The following ME1 variants were observed in gnomAD, a reference collection of about 807,000 sequenced individuals.
ME1 encodes malic enzyme 1.
ME1 carries 74 observed loss-of-function variants against 66.4 expected under a neutral mutation model. The observed-to-expected ratio is 1.11, with a 90% CI of 0.92 to 1.35. The LOEUF (loss-of-function observed/expected upper bound fraction) is 1.35. ME1 is among the 40% of genes most tolerant of loss of function. The probability of loss-of-function intolerance (pLI) is 0.00; values close to 1 mark genes in which losing one functional copy is unlikely to be tolerated. For synonymous variants in ME1, 251 were observed against 235.6 expected (o/e 1.07, Z -0.60); for missense variants, 750 against 694.1 (o/e 1.08, Z -0.90).
intron 6 of ME1, among the ~76,000 whole-genome samples, chr6:83,292,310 T>G (rs1334896344): frequency 1.3e-5 from 2 of 152,212 alleles, no homozygotes; most frequent in Non-Finnish European, 2.9e-5. Context: ...TTGGTGTGGA[T>G]GTCCTTCTTG....
At chr6:83,330,372 C>G (rs1768380533) in intron 5 of ME1, among the ~76,000 whole-genome samples, 1 of 152,120 alleles carries the variant, frequency 6.6e-6, no homozygotes, top group African/African-American at 2.4e-5. Context: ...CCATCACATT[C>G]AGGTAAGAGT....
intron 6 of ME1, among the ~76,000 whole-genome samples, chr6:83,284,512 C>T (rs1470022667): frequency 6.6e-6 from 1 of 152,016 alleles, no homozygotes; most frequent in African/African-American, 2.4e-5. Flanking sequence ...TACTAGCAAA[C>T]CAAATCCAGC....
chr6:83,307,188 T>C (rs781137873), intron 6 of ME1, among the ~76,000 whole-genome samples: 1 of 152,042 alleles, frequency 6.6e-6, no homozygotes, highest in Non-Finnish European at 1.5e-5. Context: ...TACCTTTAGA[T>C]TTCTAATTCT....
rs1285051227 is a variant in ME1 at position 83,223,729 on chromosome 6, C to A, written c.1449+31G>T. ...GGCTGAGCACACTTGGTATTTTAAA[C>A]CCTTGGTAAACTTAGAGGATTTTAC... On this transcript the variant is annotated intron_variant, in intron 12 of 13. Transcript: ENST00000369705. The A allele has an allele frequency of 3.1e-6, 5 of 1,600,840 alleles. No homozygotes were observed. The Admixed American group carries it at 8.4e-5, about 27-fold the overall frequency.
chr6:83,397,096 A>T (rs1769747507), intron 3 of ME1, among the ~76,000 whole-genome samples: 1 of 152,144 alleles, frequency 6.6e-6, no homozygotes, highest in Non-Finnish European at 1.5e-5. Flanking sequence ...TTTAGATATG[A>T]CCCCAGTGGC....
intron 13 of ME1, among the ~76,000 whole-genome samples, chr6:83,215,635 G>A (rs896968906): frequency 7.9e-5 from 12 of 152,106 alleles, no homozygotes; most frequent in Admixed American, 2.0e-4. Flanking sequence ...AAGAGAAGAG[G>A]AAATTTGGAC....
intron 7 of ME1, among the ~76,000 whole-genome samples, chr6:83,244,785 C>T (rs1205277301): frequency 6.6e-6 from 1 of 151,936 alleles, no homozygotes; most frequent in Admixed American, 6.6e-5. Context: ...CCTAAATGAA[C>T]ATGAACATTT....
chr6:83,226,481 C>T (rs1397874199), intron 11 of ME1, among the ~76,000 whole-genome samples: 1 of 151,938 alleles, frequency 6.6e-6, no homozygotes, highest in Non-Finnish European at 1.5e-5. Context: ...AGGCAAATTC[C>T]CCAATCTAGA....
At chr6:83,328,779 A>T (rs1198366009) in intron 5 of ME1, among the ~76,000 whole-genome samples, 2 of 152,190 alleles carry the variant, frequency 1.3e-5, no homozygotes, top group Non-Finnish European at 2.9e-5. Context: ...AAAAGGGTGG[A>T]ACTTCTTTAG....
intron 6 of ME1, among the ~76,000 whole-genome samples, chr6:83,303,905 T>C (rs1767776484): frequency 6.6e-6 from 1 of 152,170 alleles, no homozygotes. Context: ...CAAGTACTTT[T>C]ATATACATTA....
chr6:83,245,474 C>T (rs765188677), intron 7 of ME1, among the ~76,000 whole-genome samples: 9 of 152,034 alleles, frequency 5.9e-5, no homozygotes, highest in Non-Finnish European at 8.8e-5. Context: ...GGCATGATCT[C>T]GGCTCACTGC....
chr6:83,402,092 T>C (rs1769851096), intron 2 of ME1, among the ~76,000 whole-genome samples: 1 of 152,190 alleles, frequency 6.6e-6, no homozygotes, highest in Non-Finnish European at 1.5e-5. Context: ...AATGAGCACA[T>C]GCTCATGAAA....
At chr6:83,367,916 C>T (rs1769128800) in intron 3 of ME1, among the ~76,000 whole-genome samples, 1 of 152,156 alleles carries the variant, frequency 6.6e-6, no homozygotes, top group Non-Finnish European at 1.5e-5. Context: ...GCCTAGCTTG[C>T]AGCTTGCCTT....
At chr6:83,425,287 G>A (rs1334064722) in intron 1 of ME1, among the ~76,000 whole-genome samples, 1 of 152,092 alleles carries the variant, frequency 6.6e-6, no homozygotes, top group Non-Finnish European at 1.5e-5. Context: ...ACAGGTGTGA[G>A]CCATCACAAC....
At chr6:83,241,614 A>G (rs577101028) in intron 7 of ME1, among the ~76,000 whole-genome samples, 35 of 152,286 alleles carry the variant, frequency 2.3e-4, no homozygotes, top group Non-Finnish European at 4.9e-4. Flanking sequence ...TAAAATCAGA[A>G]AGATATTTTT....
chr6:83,410,062 T>C (rs1583422756), intron 1 of ME1, among the ~76,000 whole-genome samples: 2 of 146,796 alleles, frequency 1.4e-5, no homozygotes, highest in East Asian at 3.9e-4. Flanking sequence ...CCTGAAGTCT[T>C]TGCTTGCCAT....
chr6:83,276,522 A>G (rs554125801), intron 6 of ME1, among the ~76,000 whole-genome samples: 1 of 152,338 alleles, frequency 6.6e-6, no homozygotes, highest in African/African-American at 2.4e-5. Context: ...TCAAAAGTGG[A>G]CAGCTTATCC....
chr6:83,331,809 C>T (rs961970746), intron 5 of ME1, among the ~76,000 whole-genome samples: 1 of 151,748 alleles, frequency 6.6e-6, no homozygotes, highest in Non-Finnish European at 1.5e-5. Flanking sequence ...GTTACAATAA[C>T]CCTAAAAAAA....
intron 5 of ME1, among the ~76,000 whole-genome samples, chr6:83,324,767 G>A (rs750836720): frequency 5.6e-4 from 80 of 142,582 alleles, no homozygotes; most frequent in Admixed American, 1.1e-3. Flanking sequence ...ATTCACAGCC[G>A]TATTCTAACA....
Sources: allele counts gnomAD v4.1 joint callset (sites outside exome capture counted in the v4.1 genomes callset), GRCh38; gene constraint gnomAD v4.1.1; transcripts MANE v1.5; gene names NCBI Gene and HGNC (gene_info 2026-07-23, HGNC 2026-07-21).